NPSR1: variants seen among roughly 807,000 people sequenced by gnomAD.
NPSR1 encodes neuropeptide S receptor 1.
Under a neutral mutation model 46.9 loss-of-function variants are expected in NPSR1, and 48 were observed. The ratio of observed to expected loss-of-function variants is 1.02; its 90% CI spans 0.81 to 1.30. NPSR1 has a LOEUF of 1.30. Ranked by LOEUF, NPSR1 falls within the 50% of genes most tolerant of loss-of-function variation. The probability of loss-of-function intolerance (pLI) is 0.00; values close to 1 mark genes in which losing one functional copy is unlikely to be tolerated. For synonymous variants in NPSR1, 176 were observed against 168.1 expected (o/e 1.05, Z -0.36); for missense variants, 450 against 449.5 (o/e 1.00, Z -0.01).
chr7:34,769,659 G>A (rs866678153), intron 2 of NPSR1, among the ~76,000 whole-genome samples: 1 of 152,102 alleles, frequency 6.6e-6, no homozygotes, highest in Non-Finnish European at 1.5e-5. Context: ...TTTCTCACCT[G>A]ACCAATCCTC....
At chr7:34,760,920 T>A (rs1046941623) in intron 2 of NPSR1, among the ~76,000 whole-genome samples, 1 of 152,180 alleles carries the variant, frequency 6.6e-6, no homozygotes, top group African/African-American at 2.4e-5. Flanking sequence ...CATAGGCATG[T>A]AGGCTACTTG....
intron 2 of NPSR1, among the ~76,000 whole-genome samples, chr7:34,748,002 A>G (rs973185576): frequency 6.6e-6 from 1 of 152,162 alleles, no homozygotes; most frequent in African/African-American, 2.4e-5. Context: ...CTGTGCAGCA[A>G]GGCTTTTGGC....
At chr7:34,660,153 A>T in intron 1 of NPSR1, 1 of 456,746 alleles carries the variant, frequency 2.2e-6, no homozygotes, top group South Asian at 1.5e-5. Context: ...AAAGAGAATC[A>T]CAGCATCTCT....
At chr7:34,729,065 C>A (rs774645307) in intron 2 of NPSR1, among the ~76,000 whole-genome samples, 3 of 152,112 alleles carry the variant, frequency 2.0e-5, no homozygotes, top group Non-Finnish European at 4.4e-5. Context: ...TAGTCATCAC[C>A]CACTCAGAGG....
intron 3 of NPSR1, among the ~76,000 whole-genome samples, chr7:34,790,672 TA>T (rs1015255137): frequency 7.0e-6 from 1 of 142,410 alleles, no homozygotes; most frequent in African/African-American, 2.5e-5. Context: ...AAATATATGT[TA>T]TATGTTCTAT....
At chr7:34,833,504 C>G (rs547144680) in intron 5 of NPSR1, among the ~76,000 whole-genome samples, 1 of 152,308 alleles carries the variant, frequency 6.6e-6, no homozygotes, top group Admixed American at 6.5e-5. Flanking sequence ...ATTGTCACAT[C>G]TGATACTCAA....
At chr7:34,810,187 A>T (rs1343985582) in intron 3 of NPSR1, among the ~76,000 whole-genome samples, 2 of 152,260 alleles carry the variant, frequency 1.3e-5, no homozygotes, top group Non-Finnish European at 2.9e-5. Context: ...AATGCTCTCC[A>T]TTAGACTTCA....
intron 2 of NPSR1, chr7:34,686,086 A>G (rs1014148798): frequency 6.6e-6 from 1 of 152,532 alleles, no homozygotes; most frequent in African/African-American, 2.4e-5. Flanking sequence ...AAGGATTTAG[A>G]GGTGGCAAGA....
intron 8 of NPSR1, among the ~76,000 whole-genome samples, chr7:34,861,220 T>C (rs553906207): frequency 6.6e-6 from 1 of 152,104 alleles, no homozygotes; most frequent in Non-Finnish European, 1.5e-5. Flanking sequence ...TCAAAGTTGA[T>C]GGCATTTGCC....
chr7:34,764,015 G>C (rs144915193), intron 2 of NPSR1, among the ~76,000 whole-genome samples: 6 of 152,244 alleles, frequency 3.9e-5, no homozygotes, highest in African/African-American at 1.4e-4. Flanking sequence ...TTCTGCCTTA[G>C]ATTGCTTTGC....
At chr7:34,841,559 T>C (rs1317699511) in intron 6 of NPSR1, among the ~76,000 whole-genome samples, 1 of 152,230 alleles carries the variant, frequency 6.6e-6, no homozygotes, top group African/African-American at 2.4e-5. Flanking sequence ...CACCAAGGCC[T>C]GAGTAGAAAT....
intron 2 of NPSR1, among the ~76,000 whole-genome samples, chr7:34,726,652 T>C (rs1397956836): frequency 1.3e-5 from 2 of 151,928 alleles, no homozygotes; most frequent in Non-Finnish European, 2.9e-5. Flanking sequence ...CTATAGTACA[T>C]CCAGACAATG....
At chr7:34,790,843 A>G (rs1787745943) in intron 3 of NPSR1, among the ~76,000 whole-genome samples, 1 of 129,654 alleles carries the variant, frequency 7.7e-6, no homozygotes, top group African/African-American at 2.8e-5. Context: ...TATGTTATAT[A>G]TATGTTATAT....
intron 1 of NPSR1, among the ~76,000 whole-genome samples, chr7:34,665,876 C>CCA (rs1791725591): frequency 6.6e-6 from 1 of 151,762 alleles, no homozygotes; most frequent in Non-Finnish European, 1.5e-5. Flanking sequence ...ACACACATGC[C>CCA]CACACACACA....
At chr7:34,713,711 T>C (rs1783414905) in intron 2 of NPSR1, among the ~76,000 whole-genome samples, 3 of 152,186 alleles carry the variant, frequency 2.0e-5, no homozygotes, top group African/African-American at 2.4e-5. Flanking sequence ...AATAAGCCTA[T>C]TGCTGGCAAA....
intron 2 of NPSR1, among the ~76,000 whole-genome samples, chr7:34,752,501 T>C (rs997089817): frequency 6.6e-6 from 1 of 152,218 alleles, no homozygotes; most frequent in Non-Finnish European, 1.5e-5. Context: ...AAACTCTTGA[T>C]GGGCTTTTGT....
At chr7:34,668,407 G>T (rs936405233) in intron 1 of NPSR1, among the ~76,000 whole-genome samples, 2 of 152,026 alleles carry the variant, frequency 1.3e-5, no homozygotes, top group Non-Finnish European at 2.9e-5. Context: ...AGGATTTTTG[G>T]TCTAGGTTAA....
chr7:34,666,250 C>A (rs973073478), intron 1 of NPSR1, among the ~76,000 whole-genome samples: 5 of 152,142 alleles, frequency 3.3e-5, no homozygotes, highest in Non-Finnish European at 7.3e-5. Flanking sequence ...AGGCACTACA[C>A]AAGCCTGGAA....
At chr7:34,875,173 A>T (rs1429019934) in intron 8 of NPSR1, among the ~76,000 whole-genome samples, 10 of 152,196 alleles carry the variant, frequency 6.6e-5, no homozygotes, top group Non-Finnish European at 4.4e-5. Flanking sequence ...CTTCATGACA[A>T]TGAAATTCAG....
Sources: gnomAD v4.1 joint callset for allele counts (sites outside exome capture counted in the v4.1 genomes callset) on GRCh38, gnomAD v4.1.1 for gene constraint, MANE v1.5 for transcripts, NCBI Gene and HGNC (gene_info 2026-07-23, HGNC 2026-07-21) for gene names.